The following CLSTN2 variants were observed in gnomAD, a reference collection of about 807,000 sequenced individuals.
CLSTN2 encodes calsyntenin 2.
In CLSTN2, 48 loss-of-function variants were observed where a neutral mutation model predicts 101.2. That is an observed-to-expected ratio of 0.47 (90% CI 0.38 to 0.60). The LOEUF (loss-of-function observed/expected upper bound fraction) is 0.60, where lower values mean the gene tolerates loss of function less well. CLSTN2 is among the 20% of genes least tolerant of loss of function. The pLI is 0.00. For synonymous variants in CLSTN2, 481 were observed against 463.6 expected, an observed-to-expected ratio of 1.04 and a Z score of -0.48; for missense variants, 1,160 against 1,238.2, an observed-to-expected ratio of 0.94 and a Z score of 0.95.
At chr3:140,560,112 C>T (rs1935879863) in intron 12 of CLSTN2, among the ~76,000 whole-genome samples, 1 of 152,216 alleles carries the variant, frequency 6.6e-6, no homozygotes, top group South Asian at 2.1e-4. Context: ...CACATTTCGT[C>T]TTCTGTTTAT....
rs373760064 is a variant in CLSTN2, at chr3:140,114,849, C to T, written c.110-61102C>T. On this transcript the variant is annotated intron_variant, in intron 1 of 16. Transcript: ENST00000458420. ...AGCGACCTTCACCTCTGCCCCCTCCCCCCATTTCTCCATTGTTAACATGGT... is the reference window on the plus strand; with the variant it reads ...AGCGACCTTCACCTCTGCCCCCTCCTCCCATTTCTCCATTGTTAACATGGT... 1.9e-4 allele frequency among the ~76,000 whole-genome samples: 29 copies of T among 152,264 alleles called. No homozygotes were observed. In the South Asian group the frequency reaches 5.8e-3, roughly 31 times the overall value.
Position 140,532,422 on chromosome 3 carries a change from C to G in CLSTN2, c.1443C>G (p.Thr481=). Residue 481 remains threonine, a synonymous_variant, in exon 9 of 17, where the codon ACC becomes ACG. Transcript: ENST00000458420. ...DGATYEPYLV[T]NDWPIHPSHI... The stretch of plus-strand genomic sequence containing the variant: ...CAACATATGAACCATACCTGGTGAC[C>G]AACGACTGGCCCATTCATCCATCTC... 2 of 1,613,944 alleles carry G rather than the reference C, an allele frequency of 1.2e-6. No individual in the cohort carries two copies. Among genetic ancestry groups the G allele is most frequent in the Non-Finnish European group, 1.7e-6 (2 of 1,179,900 alleles).
chr3:140,429,446 G>C (rs537195983), intron 5 of CLSTN2, among the ~76,000 whole-genome samples: 100 of 152,248 alleles, frequency 6.6e-4, no homozygotes, highest in African/African-American at 2.4e-3. Context: ...ACAGAGAGGA[G>C]GGGGTATTCC....
chr3:140,341,491 G>A (rs1189938709), intron 2 of CLSTN2, among the ~76,000 whole-genome samples: 2 of 152,226 alleles, frequency 1.3e-5, no homozygotes, highest in African/African-American at 4.8e-5. Context: ...CACTGTAAAA[G>A]TGAAGGGGAC....
chr3:140,560,002 G>C (rs545548451), intron 12 of CLSTN2, among the ~76,000 whole-genome samples: 1 of 152,304 alleles, frequency 6.6e-6, no homozygotes, highest in South Asian at 2.1e-4. Flanking sequence ...ATAAAGAAGA[G>C]CCTCTGACCT....
At chr3:140,311,877 C>G (rs2107917398) in intron 2 of CLSTN2, among the ~76,000 whole-genome samples, 1 of 152,286 alleles carries the variant, frequency 6.6e-6, no homozygotes, top group African/African-American at 2.4e-5. Context: ...GCTAATGAAT[C>G]ACCCAGGGAA....
In CLSTN2 at chr3:140,459,564, T is replaced by C. The variant is rs766467914; in HGVS notation, c.1017T>C (p.Ala339=). The change falls in exon 7 of 17, where the codon GCT becomes GCC. Residue 339 remains alanine, a synonymous_variant. Transcript: ENST00000458420. ...TTGACCTCTTGCCATCCCCTAGCGC[T>C]GCCACCAACTGGACTGCAGGACTGC... is the stretch of plus-strand genomic sequence containing the variant. ...GIIDLLPSPS[A]ATNWTAGLLV... is the part of the protein sequence containing the mutation. The C allele has an allele frequency of 9.3e-6, 15 of 1,614,022 alleles. No individual in the cohort carries two copies. The Admixed American group carries it at 2.5e-4, about 27-fold the overall frequency.
At chr3:140,416,767 T>C (rs1217309351) in intron 4 of CLSTN2, among the ~76,000 whole-genome samples, 1 of 152,210 alleles carries the variant, frequency 6.6e-6, no homozygotes, top group Non-Finnish European at 1.5e-5. Flanking sequence ...AGAATGACAG[T>C]GGAGGGAGCG....
chr3:140,067,043 G>A (rs2008311992), intron 1 of CLSTN2, among the ~76,000 whole-genome samples: 1 of 152,172 alleles, frequency 6.6e-6, no homozygotes, highest in South Asian at 2.1e-4. Context: ...CAGTCTGTGT[G>A]ATCTCATGAT....
chr3:140,416,355 A>C (rs1278375326), intron 4 of CLSTN2, among the ~76,000 whole-genome samples: 1 of 151,500 alleles, frequency 6.6e-6, no homozygotes, highest in Non-Finnish European at 1.5e-5. Flanking sequence ...GTAGATCTCA[A>C]CTGAGCTCAC....
chr3:140,344,109 T>C (rs2087518149), intron 2 of CLSTN2, among the ~76,000 whole-genome samples: 1 of 152,220 alleles, frequency 6.6e-6, no homozygotes, highest in African/African-American at 2.4e-5. Context: ...CTGCTATAGT[T>C]TCAGTAATGC....
Position 140,537,723 on chromosome 3 carries a change from G to A in CLSTN2, c.1507+5237G>A, listed in dbSNP as rs150536553. ...ATCATTTAAAAGACTAAATTAATTT[G>A]TCCTTTTCCTTAGATTTCCTACTTA... On this transcript the variant is annotated intron_variant, in intron 9 of 16. Transcript: ENST00000458420. 2.0e-3 allele frequency among the ~76,000 whole-genome samples: 307 copies of A among 152,294 alleles called. 1 individual carries two copies. The highest frequency in any genetic ancestry group is 6.9e-3 in the African/African-American group (285 of 41,546).
At chr3:140,081,389 G>A (rs1326136277) in intron 1 of CLSTN2, among the ~76,000 whole-genome samples, 1 of 152,174 alleles carries the variant, frequency 6.6e-6, no homozygotes, top group African/African-American at 2.4e-5. Flanking sequence ...TTGCATGTTT[G>A]TCATTAGTAT....
chr3:140,474,959 C>T (rs1469561995), intron 8 of CLSTN2, among the ~76,000 whole-genome samples: 2 of 129,426 alleles, frequency 1.5e-5, no homozygotes, highest in African/African-American at 5.1e-5. Flanking sequence ...AAGAAGCCCC[C>T]ACTACACGCA....
In CLSTN2 at chr3:140,562,215, G is replaced by A. The variant is rs1253937891; in HGVS notation, c.2119G>A (p.Asp707Asn). 1 of 1,614,040 alleles carries A rather than the reference G, an allele frequency of 6.2e-7. No homozygotes were observed. The highest frequency in any genetic ancestry group is 1.1e-5 in the South Asian group (1 of 91,078). The change falls in exon 13 of 17, where the codon GAC becomes AAC. Residue 707 changes from aspartate (D) to asparagine (N), a missense_variant. Asp to Asn is a conservative substitution (Grantham distance 23). Coordinates refer to ENST00000458420, the MANE Select transcript of CLSTN2 (RefSeq NM_022131.3). ...CDILVIGGDL[D>N]PRQECLELNH... ...CATTTTGGTGATCGGAGGGGACTTGGACCCAAGGCAGGAGTGCTTGGAGCT... is the reference window on the plus strand; with the variant it reads ...CATTTTGGTGATCGGAGGGGACTTGAACCCAAGGCAGGAGTGCTTGGAGCT...
intron 2 of CLSTN2, among the ~76,000 whole-genome samples, chr3:140,239,896 T>C (rs9810395): frequency 0.97 from 146,892 of 151,540 alleles, 71,339 homozygotes; most frequent in East Asian, 1. Flanking sequence ...TATGTGTGTA[T>C]ACATACACAC....
At chr3:140,322,542 A>G (rs998286053) in intron 2 of CLSTN2, among the ~76,000 whole-genome samples, 1 of 152,192 alleles carries the variant, frequency 6.6e-6, no homozygotes. Context: ...GGTCAGGGAA[A>G]TTTCTACAGC....
At chr3:140,196,564 A>G (rs920674953) in intron 2 of CLSTN2, among the ~76,000 whole-genome samples, 1 of 152,222 alleles carries the variant, frequency 6.6e-6, no homozygotes, top group Non-Finnish European at 1.5e-5. Flanking sequence ...CTTGCTGGTC[A>G]TCAGGGTGGA....
chr3:140,082,626 C>T lies in CLSTN2; in HGVS notation c.110-93325C>T, dbSNP rs572778398. Among the ~76,000 whole-genome samples, 94 of 152,282 alleles carry T rather than the reference C, an allele frequency of 6.2e-4. 1 individual carries two copies. The Middle Eastern group carries it at 0.01, about 17-fold the overall frequency. On this transcript the variant is annotated intron_variant, in intron 1 of 16. Coordinates refer to ENST00000458420, the MANE Select transcript of CLSTN2 (RefSeq NM_022131.3). ...CAAACAGAGGAGTTGCTTCCTACAC[C>T]TTCTCATCCCCTCGTTGTGTTGCTG...
Sources: allele counts gnomAD v4.1 joint callset (sites outside exome capture counted in the v4.1 genomes callset), GRCh38; gene constraint gnomAD v4.1.1; transcripts MANE v1.5; gene names NCBI Gene and HGNC (gene_info 2026-07-23, HGNC 2026-07-21).